The following SPMIP2 variants were observed in gnomAD, a reference collection of about 807,000 sequenced individuals.
SPMIP2 encodes the protein sperm microtubule inner protein 2.
At chr4:158,926,334 TTC>T in the SPMIP2 span, among the ~76,000 whole-genome samples, 1 of 152,150 alleles carries the variant, frequency 6.6e-6, no homozygotes, top group Non-Finnish European at 1.5e-5. Flanking sequence ...AGCTATACAT[TTC>T]TCTCTAAGCA....
At chr4:159,076,639 A>C in the SPMIP2 span, among the ~76,000 whole-genome samples, 1 of 152,146 alleles carries the variant, frequency 6.6e-6, no homozygotes, top group Non-Finnish European at 1.5e-5. Flanking sequence ...AATACTTTAA[A>C]ACATACTTAA....
chr4:159,024,933 C>T, the SPMIP2 span, among the ~76,000 whole-genome samples: 1 of 152,148 alleles, frequency 6.6e-6, no homozygotes, highest in Non-Finnish European at 1.5e-5. Context: ...CATGTGAAGC[C>T]TACCACATGC....
the SPMIP2 span, among the ~76,000 whole-genome samples, chr4:159,042,239 G>A: frequency 7.9e-5 from 12 of 151,994 alleles, no homozygotes; most frequent in East Asian, 1.9e-4. Context: ...CCTCTCCTCC[G>A]TCCACCAGCT....
chr4:158,937,973 G>A, the SPMIP2 span, among the ~76,000 whole-genome samples: 1 of 152,112 alleles, frequency 6.6e-6, no homozygotes, highest in African/African-American at 2.4e-5. Context: ...TCCCTCCCAA[G>A]ACAGCAAAAA....
At chr4:158,968,108 C>A in the SPMIP2 span, among the ~76,000 whole-genome samples, 1 of 152,172 alleles carries the variant, frequency 6.6e-6, no homozygotes, top group Admixed American at 6.5e-5. Context: ...TAGCTCACTG[C>A]AACCTCCACT....
chr4:159,073,399 C>T, the SPMIP2 span, among the ~76,000 whole-genome samples: 1 of 152,126 alleles, frequency 6.6e-6, no homozygotes, highest in African/African-American at 2.4e-5. Flanking sequence ...AGCGATCTGC[C>T]CAACTCAGCC....
the SPMIP2 span, among the ~76,000 whole-genome samples, chr4:158,904,195 G>A: frequency 6.6e-6 from 1 of 152,120 alleles, no homozygotes; most frequent in Admixed American, 6.6e-5. Context: ...GGTGACCCCT[G>A]CCAAGGGAAA....
the SPMIP2 span, among the ~76,000 whole-genome samples, chr4:159,031,165 C>T: frequency 6.6e-6 from 1 of 152,088 alleles, no homozygotes; most frequent in Non-Finnish European, 1.5e-5. Context: ...GCTCCAAGCT[C>T]CAATAGGTTA....
chr4:158,916,619 ATATGTATG>A, the SPMIP2 span, among the ~76,000 whole-genome samples: 91 of 150,728 alleles, frequency 6.0e-4, no homozygotes, highest in African/African-American at 1.3e-3. Context: ...ATGTATGTAC[ATATGTATG>A]TATGTATGTA....
the SPMIP2 span, among the ~76,000 whole-genome samples, chr4:158,950,377 A>G: frequency 1.3e-5 from 2 of 152,078 alleles, no homozygotes; most frequent in Non-Finnish European, 2.9e-5. Flanking sequence ...CATCACTTGA[A>G]CTCATTCAGC....
the SPMIP2 span, among the ~76,000 whole-genome samples, chr4:158,973,773 G>A: frequency 6.6e-4 from 100 of 152,114 alleles, no homozygotes; most frequent in African/African-American, 2.3e-3. Context: ...TGCATCGCTT[G>A]AACTCAGGAA....
the SPMIP2 span, among the ~76,000 whole-genome samples, chr4:159,033,591 T>C: frequency 3.3e-4 from 50 of 152,272 alleles, no homozygotes; most frequent in African/African-American, 1.2e-3. Flanking sequence ...TAAGTAACTT[T>C]GGAAATGAAT....
chr4:159,066,589 T>TTATATATATA, the SPMIP2 span, among the ~76,000 whole-genome samples: 574 of 76,472 alleles, frequency 7.5e-3, 4 homozygotes, highest in Admixed American at 0.011. Flanking sequence ...TGTGTGTATT[T>TTATATATATA]TATATATATA....
chr4:158,954,887 T>C, the SPMIP2 span, among the ~76,000 whole-genome samples: 1 of 152,326 alleles, frequency 6.6e-6, no homozygotes, highest in African/African-American at 2.4e-5. Flanking sequence ...CGTTGTTTGC[T>C]AATACATTCT....
chr4:158,933,358 T>A, the SPMIP2 span, among the ~76,000 whole-genome samples: 2 of 152,190 alleles, frequency 1.3e-5, no homozygotes, highest in African/African-American at 4.8e-5. Flanking sequence ...GAGGAGCATA[T>A]TTTTGGAGGT....
At chr4:158,988,197 A>T in the SPMIP2 span, among the ~76,000 whole-genome samples, 9 of 152,220 alleles carry the variant, frequency 5.9e-5, no homozygotes, top group Admixed American at 1.3e-4. Context: ...AGTAGGAAGC[A>T]GTCAAATGCC....
chr4:158,895,839 T>C, the SPMIP2 span: 3 of 1,613,042 alleles, frequency 1.9e-6, no homozygotes, highest in Non-Finnish European at 2.5e-6. Flanking sequence ...CACGAGTCCA[T>C]GTGAAAGAAT....
At chr4:159,024,412 C>A in the SPMIP2 span, among the ~76,000 whole-genome samples, 17 of 152,154 alleles carry the variant, frequency 1.1e-4, no homozygotes, top group Non-Finnish European at 1.3e-4. Context: ...GGCACTTTAT[C>A]CTTTATCACT....
the SPMIP2 span, chr4:159,007,587 G>A: frequency 2.2e-5 from 24 of 1,107,762 alleles, no homozygotes; most frequent in African/African-American, 3.1e-5. Flanking sequence ...AAGCAAAGTG[G>A]AAGCTTTCCA....
Sources: gnomAD v4.1 joint callset for allele counts (sites outside exome capture counted in the v4.1 genomes callset) on GRCh38, gnomAD v4.1.1 for gene constraint, MANE v1.5 for transcripts, NCBI Gene and HGNC (gene_info 2026-07-23, HGNC 2026-07-21) for gene names.